ACAD8: variants seen among roughly 807,000 people sequenced by gnomAD.
ACAD8 encodes isobutyryl-CoA dehydrogenase, mitochondrial.
Under a neutral mutation model 53.1 loss-of-function variants are expected in ACAD8, and 47 were observed. The ratio of observed to expected loss-of-function variants is 0.89; its 90% CI spans 0.70 to 1.13. The LOEUF (loss-of-function observed/expected upper bound fraction) is 1.13, where lower values mean the gene tolerates loss of function less well. Ranked by LOEUF, ACAD8 falls within the 50% of genes most tolerant of loss-of-function variation. The pLI, the probability that ACAD8 is intolerant of heterozygous loss-of-function variation, is 0.00. For synonymous variants in ACAD8, 198 were observed against 201.3 expected, an observed-to-expected ratio of 0.98 and a Z score of 0.14; for missense variants, 494 against 535.0, an observed-to-expected ratio of 0.92 and a Z score of 0.76.
intron 3 of ACAD8, chr11:134,258,027 T>C (rs1012587440): frequency 1.5e-5 from 3 of 203,344 alleles, no homozygotes; most frequent in Admixed American, 5.3e-5. Flanking sequence ...TTTTTTTTCA[T>C]ATTTAGTAGA....
chr11:134,262,299 G>A, intron 9 of ACAD8: 1 of 668,288 alleles, frequency 1.5e-6, no homozygotes, highest in Non-Finnish European at 2.7e-6. Context: ...AGGGGCAGAG[G>A]GCTTTGAGTC....
Position 134,253,676 on chromosome 11 carries a change from A to C in ACAD8, c.76A>C (p.Thr26Pro). 6.3e-7 allele frequency: 1 copy of C among 1,599,710 alleles called. No homozygotes were observed. Among genetic ancestry groups the C allele is most frequent in the Non-Finnish European group, 8.5e-7 (1 of 1,174,270 alleles). The change falls in exon 1 of 11, where the codon ACC (threonine) becomes CCC (proline). Residue 26 changes from threonine to proline, a missense_variant. Physicochemically the swap from Thr to Pro is conservative, Grantham distance 38. Transcript: ENST00000281182. ...CGGCGGTCTCCGGGTCCTCGTCCAG[A>C]CCGGCCACCGGAGCTTGACCTCCTG... ...LPGGLRVLVQ[T>P]GHRSLTSCID...
Position 134,265,096 on chromosome 11 carries a change from T to G in ACAD8, c.*136T>G. On this transcript the variant is annotated 3_prime_UTR_variant, in exon 11 of 11. Coordinates refer to ENST00000281182, the MANE Select transcript of ACAD8 (RefSeq NM_014384.3). ...CTCCTCTAGGGCAGGACCTGCACCC[T>G]GTGTGTTGGCACCAGCATCGGGTCT... 1.1e-6 allele frequency: 1 copy of G among 910,662 alleles called. No individual in the cohort carries two copies. Among genetic ancestry groups the G allele is most frequent in the Non-Finnish European group, 1.8e-6 (1 of 557,056 alleles). The allele number at this position is 910,662 out of a possible 1,614,324, so 56.4% of individuals were successfully genotyped here.
chr11:134,257,714 G>T, intron 3 of ACAD8: 1 of 240,048 alleles, frequency 4.2e-6, no homozygotes, highest in East Asian at 1.0e-4. Context: ...TAGGTCTGTT[G>T]CTGCCTGTTG....
At chr11:134,264,090 A>G (rs1170032634) in intron 10 of ACAD8, 1 of 973,962 alleles carries the variant, frequency 1.0e-6, no homozygotes, top group Non-Finnish European at 1.2e-6. Context: ...TATGTCTATA[A>G]TCGCCGCACT....
In ACAD8 at chr11:134,261,283, T is replaced by C. The variant is rs1173943639; in HGVS notation, c.850T>C (p.Ser284Pro). Residue 284 changes from serine to proline, a missense_variant, in exon 8 of 11, where the codon TCC (serine) becomes CCC (proline). Transcript: ENST00000281182. This position sits in a 1 kb window ranked among gnomAD's most constrained non-coding sequence, Gnocchi z 4.2. ...NGGRINIASC[S>P]LGAAHASVIL... ...GCGCTCTTCCCCTCTAGCTTCCTGC[T>C]CCCTGGGGGCTGCCCACGCCTCTGT... The C allele has an allele frequency of 6.2e-7, 1 of 1,614,148 alleles. No individual in the cohort carries two copies. Among genetic ancestry groups the C allele is most frequent in the Admixed American group, 1.7e-5 (1 of 60,020 alleles).
In ACAD8 at chr11:134,265,194, C is replaced by T; in HGVS notation, c.*234C>T. On this transcript the variant is annotated 3_prime_UTR_variant, in exon 11 of 11. Coordinates refer to ENST00000281182, the MANE Select transcript of ACAD8 (RefSeq NM_014384.3). ...AGAAACATCAGAAGAACACATACTA[C>T]CTTGTTTTCCTAATGCCAGAAGGGT... 1.7e-6 allele frequency: 1 copy of T among 576,926 alleles called. No individual in the cohort carries two copies. The highest frequency in any genetic ancestry group is 3.1e-6 in the Non-Finnish European group (1 of 324,166). The allele number at this position is 576,926 out of a possible 1,614,324, so 35.7% of individuals were successfully genotyped here. A position where few individuals can be genotyped will look rare whatever the true frequency, so the allele number is the denominator to read the frequency against.
At position 134,256,051 on chromosome 11, in the gene ACAD8, C is replaced by T. The variant is rs558370968; in HGVS notation, c.110-497C>T. The stretch of plus-strand genomic sequence containing the variant: ...CTCCCAAAGTAGCTGGGATTACAGG[C>T]ATGCGCCACCACACCCAGCTAATTT... On this transcript the variant is annotated intron_variant, in intron 1 of 10. Transcript: ENST00000281182. Among the ~76,000 whole-genome samples, 51 of 152,326 alleles carry T rather than the reference C, an allele frequency of 3.3e-4. 1 individual carries two copies. Among genetic ancestry groups the T allele is most frequent in the Admixed American group, 1.2e-3 (18 of 15,296 alleles).
At chr11:134,260,904 T>G in intron 6 of ACAD8, 140 bp from the exon 7 acceptor site, 1 of 988,154 alleles carries the variant, frequency 1.0e-6, no homozygotes, top group Non-Finnish European at 1.5e-6. Context: ...AACCTGAACT[T>G]TTTCTTTTTC....
At chr11:134,264,863 A>T (rs1565378798) in intron 10 of ACAD8, 45 bp from the exon 11 acceptor site, 2 of 1,578,316 alleles carry the variant, frequency 1.3e-6, no homozygotes, top group Non-Finnish European at 1.7e-6. Flanking sequence ...CTAAACTCTC[A>T]GACTTTGCTG....
At chr11:134,257,584 G>A (rs1251979449) in intron 3 of ACAD8, among the ~76,000 whole-genome samples, 1 of 151,938 alleles carries the variant, frequency 6.6e-6, no homozygotes, top group Admixed American at 6.5e-5. Context: ...GAGGCAGGAG[G>A]ATGGTGTGAA....
In ACAD8 at chr11:134,265,263, G is replaced by C. The variant is rs1392312398; in HGVS notation, c.*303G>C. ...GTCAAACCATGAAAGTCCTTTCTTG[G>C]ATCCACTTTATCTTGATTAGTCTGC... On this transcript the variant is annotated 3_prime_UTR_variant, in exon 11 of 11. Transcript: ENST00000281182. The C allele has an allele frequency of 2.1e-6, 1 of 472,088 alleles. No homozygotes were observed. Among genetic ancestry groups the C allele is most frequent in the Admixed American group, 3.6e-5 (1 of 27,752 alleles). The allele number at this position is 472,088 out of a possible 1,614,324, so 29.2% of individuals were successfully genotyped here. A position where few individuals can be genotyped will look rare whatever the true frequency, so the allele number is the denominator to read the frequency against.
chr11:134,256,908 C>T, intron 2 of ACAD8, 180 bp from the exon 3 acceptor site: 2 of 705,280 alleles, frequency 2.8e-6, no homozygotes, highest in Non-Finnish European at 4.8e-6. Flanking sequence ...CTTCTTAATG[C>T]CAGAACAAGT....
rs995360618 is a variant in ACAD8 at position 134,261,109 on chromosome 11, C to T, written c.771C>T (p.Asn257=). The change falls in exon 7 of 11, where the codon AAC becomes AAT. Residue 257 remains asparagine (N), a synonymous_variant. Coordinates refer to ENST00000281182, the MANE Select transcript of ACAD8 (RefSeq NM_014384.3). The surrounding 1 kb of genome is among the most constrained non-coding windows in gnomAD (Gnocchi z 4.2). ...AAGACTGTGCTGTCCCTGTGGCCAA[C>T]AGAATTGGGAGCGAGGGGCAGGGCT... ...IFEDCAVPVA[N]RIGSEGQGFL... 1.2e-6 allele frequency: 2 copies of T among 1,612,038 alleles called. No homozygotes were observed. The highest frequency in any genetic ancestry group is 1.7e-6 in the Non-Finnish European group (2 of 1,179,208).
At chr11:134,255,382 T>G (rs1170613998) in intron 1 of ACAD8, among the ~76,000 whole-genome samples, 2 of 152,210 alleles carry the variant, frequency 1.3e-5, no homozygotes, top group African/African-American at 4.8e-5. Context: ...GTGATCCACC[T>G]GCCTTGGCCT....
At chr11:134,259,307 C>G (rs1939737777) in intron 5 of ACAD8, 1 of 680,574 alleles carries the variant, frequency 1.5e-6, no homozygotes, top group Admixed American at 2.2e-5. Flanking sequence ...TTTATACTCT[C>G]TTGGACTGCC....
rs73043929 is a variant in ACAD8, at chr11:134,254,401, A to G, written c.109+692A>G. Among the ~76,000 whole-genome samples, 307 of 152,348 alleles carry G rather than the reference A, an allele frequency of 2.0e-3. 2 individuals are homozygous for G. The highest frequency in any genetic ancestry group is 3.4e-3 in the Non-Finnish European group (230 of 68,036). On this transcript the variant is annotated intron_variant, in intron 1 of 10. Transcript: ENST00000281182. Reference sequence around the variant, plus strand: ...ACTTGAGTGTCTTTAGGCTCTGAACAGTAATTTGAATGTAGCGAGGAGTGG... The same window carrying G: ...ACTTGAGTGTCTTTAGGCTCTGAACGGTAATTTGAATGTAGCGAGGAGTGG...
intron 10 of ACAD8, among the ~76,000 whole-genome samples, chr11:134,264,324 G>T (rs188327792): frequency 6.6e-6 from 1 of 152,276 alleles, no homozygotes; most frequent in African/African-American, 2.4e-5. Flanking sequence ...CAGCCTGGGT[G>T]ACAGTGAGAC....
chr11:134,261,439 C>G lies in ACAD8; in HGVS notation c.939+67C>G. 3 of 1,568,242 alleles carry G rather than the reference C, an allele frequency of 1.9e-6. No individual in the cohort carries two copies. The highest frequency in any genetic ancestry group is 2.6e-6 in the Non-Finnish European group (3 of 1,139,076). ...AGCCCGGGACCTGCTCTAGGGCCCA[C>G]ATTTCCAGGAGAGAAGCCAGGAAAT... is the stretch of plus-strand genomic sequence containing the variant. On this transcript the variant is annotated intron_variant, in intron 8 of 10. Coordinates refer to ENST00000281182, the MANE Select transcript of ACAD8 (RefSeq NM_014384.3). The surrounding 1 kb of genome is among the most constrained non-coding windows in gnomAD (Gnocchi z 4.2).
Sources: allele counts gnomAD v4.1 joint callset (sites outside exome capture counted in the v4.1 genomes callset), GRCh38; gene constraint gnomAD v4.1.1; non-coding constraint Gnocchi (gnomAD v3.1); transcripts MANE v1.5; gene names NCBI Gene and HGNC (gene_info 2026-07-23, HGNC 2026-07-21).